C16orf96: variants seen among roughly 807,000 people sequenced by gnomAD.
C16orf96 encodes uncharacterized protein C16orf96.
In C16orf96, 108 loss-of-function variants were observed where a neutral mutation model predicts 103.6. The ratio of observed to expected loss-of-function variants is 1.04; its 90% confidence interval spans 0.89 to 1.22. The LOEUF (loss-of-function observed/expected upper bound fraction) is 1.22, where lower values mean the gene tolerates loss of function less well. Ranked by LOEUF, C16orf96 falls within the 50% of genes most tolerant of loss-of-function variation. C16orf96 has a pLI of 0.00. For missense variants in C16orf96, 1,586 were observed against 1,464.2 expected (o/e 1.08, Z -1.36); for synonymous variants, 566 against 593.5 (o/e 0.95, Z 0.67).
chr16:4,568,396 A>G (rs1332312988), intron 1 of C16orf96, among the ~76,000 whole-genome samples: 1 of 152,000 alleles, frequency 6.6e-6, no homozygotes, highest in Non-Finnish European at 1.5e-5. Context: ...GATATCTGTT[A>G]TGTCTAGTTG....
chr16:4,583,884 C>A (rs1388035092), intron 7 of C16orf96, among the ~76,000 whole-genome samples: 2 of 144,368 alleles, frequency 1.4e-5, no homozygotes, highest in African/African-American at 5.2e-5. Flanking sequence ...AAGATCGCAC[C>A]ACTGCACTCC....
the C16orf96 span, among the ~76,000 whole-genome samples, chr16:4,543,382 A>G: frequency 1.3e-5 from 2 of 152,182 alleles, no homozygotes; most frequent in Non-Finnish European, 2.9e-5. Context: ...CTTATAGACC[A>G]ATCTGTGGAA....
intron 14 of C16orf96, among the ~76,000 whole-genome samples, chr16:4,598,307 C>T (rs769948325): frequency 6.6e-6 from 1 of 151,840 alleles, no homozygotes; most frequent in Admixed American, 6.6e-5. Context: ...GCCATGATTG[C>T]GCCACTGCAC....
In C16orf96 at chr16:4,571,785, G is replaced by C. The variant is rs74543762; in HGVS notation, c.525+120G>C. 3,081 of 837,006 alleles carry C rather than the reference G, an allele frequency of 3.7e-3. 63 individuals are homozygous for C. In the African/African-American group the frequency reaches 0.042, roughly 11 times the overall value. The allele number at this position is 837,006 out of a possible 1,614,324, so 51.8% of individuals were successfully genotyped here. A position where few individuals can be genotyped will look rare whatever the true frequency, so the allele number is the denominator to read the frequency against. ...CCAAGAGTGCAGCTGTGAGGGTGTG[G>C]TCATGTGGACCCTCCAATTGGCCAG... On this transcript the variant is annotated intron_variant, in intron 2 of 15. Transcript: ENST00000444310.
chr16:4,546,804 C>G, the C16orf96 span, among the ~76,000 whole-genome samples: 1 of 151,988 alleles, frequency 6.6e-6, no homozygotes, highest in African/African-American at 2.4e-5. Context: ...AAATGTTCAT[C>G]AACTGATGAA....
intron 2 of C16orf96, among the ~76,000 whole-genome samples, 158 bp from the exon 3 acceptor site, chr16:4,574,551 A>T (rs748095614): frequency 6.6e-6 from 1 of 152,048 alleles, no homozygotes; most frequent in Non-Finnish European, 1.5e-5. Flanking sequence ...GCATTTCCCA[A>T]ACTTGTTTGC....
intron 2 of C16orf96, 124 bp from the exon 3 acceptor site, chr16:4,574,585 T>C: frequency 1.3e-6 from 1 of 759,688 alleles, no homozygotes; most frequent in South Asian, 1.8e-5. Flanking sequence ...TCCCACTCCT[T>C]GGGAAACACT....
intron 9 of C16orf96, among the ~76,000 whole-genome samples, chr16:4,589,622 G>A (rs996064199): frequency 5.9e-5 from 9 of 151,522 alleles, no homozygotes; most frequent in East Asian, 1.9e-4. Context: ...AAAAATGGGC[G>A]CAGAACAACC....
At chr16:4,549,378 C>G in the C16orf96 span, among the ~76,000 whole-genome samples, 1 of 150,606 alleles carries the variant, frequency 6.6e-6, no homozygotes. Flanking sequence ...GAGGCTGAGG[C>G]AGGAGAATGG....
In C16orf96 at chr16:4,593,194, A is replaced by G; in HGVS notation, c.2775-30A>G. 1 of 1,547,366 alleles carries G rather than the reference A, an allele frequency of 6.5e-7. No homozygotes were observed. The highest frequency in any genetic ancestry group is 8.7e-7 in the Non-Finnish European group (1 of 1,143,590). On this transcript the variant is annotated intron_variant, in intron 11 of 15. Coordinates refer to ENST00000444310, the MANE Select transcript of C16orf96 (RefSeq NM_001145011.2). This position sits in a 1 kb window ranked among gnomAD's most constrained non-coding sequence, Gnocchi z 4.2. ...TCTGCTGGCCTAGCACGCCTCCCAC[A>G]GCCCCTGCTGTGCCCTTGTCCTCCA...
chr16:4,567,375 C>G (rs902327252), intron 1 of C16orf96, among the ~76,000 whole-genome samples: 1 of 142,900 alleles, frequency 7.0e-6, no homozygotes, highest in Non-Finnish European at 1.5e-5. Context: ...GCTCAGACTC[C>G]TGGGTTCACG....
At chr16:4,573,561 G>A (rs759715058) in intron 2 of C16orf96, among the ~76,000 whole-genome samples, 15 of 151,008 alleles carry the variant, frequency 9.9e-5, no homozygotes, top group Non-Finnish European at 1.5e-4. Context: ...GACCATCCTC[G>A]CTAACACGGT....
chr16:4,564,285 C>A, intron 1 of C16orf96, among the ~76,000 whole-genome samples: 1 of 152,132 alleles, frequency 6.6e-6, no homozygotes, highest in Non-Finnish European at 1.5e-5. Flanking sequence ...CTAATTTGTT[C>A]TTGGCCATTG....
chr16:4,575,877 T>G lies in C16orf96; in HGVS notation c.1397T>G (p.Leu466Arg). ...GGGGAGGAAAATGATGTCCCCAGCC[T>G]AAGGGGCCTTCGGGAGAGGGCCCGC... is the stretch of plus-strand genomic sequence containing the variant. ...VKGEENDVPSLRGLRERARKD... is the reference protein window; with the variant it reads ...VKGEENDVPSRRGLRERARKD... The change falls in exon 5 of 16, where the codon CTA becomes CGA. Residue 466 changes from leucine to arginine, a missense_variant. By Grantham distance (102) the Leu-to-Arg change is moderately radical (BLOSUM62 -2). Transcript: ENST00000444310. 1 of 1,551,466 alleles carries G rather than the reference T, an allele frequency of 6.4e-7. No individual in the cohort carries two copies. Among genetic ancestry groups the G allele is most frequent in the South Asian group, 1.2e-5 (1 of 84,056 alleles).
At chr16:4,556,242 C>G (rs531074012), upstream of C16orf96, among the ~76,000 whole-genome samples, 1 of 152,172 alleles carries the variant, frequency 6.6e-6, no homozygotes, top group Non-Finnish European at 1.5e-5. Context: ...GTGAGGCTTA[C>G]CAGGGAGCAC....
At position 4,575,762 on chromosome 16, in the gene C16orf96, A is replaced by G. The variant is rs2059497502; in HGVS notation, c.1282A>G (p.Thr428Ala). 1 of 1,548,920 alleles carries G rather than the reference A, an allele frequency of 6.5e-7. No homozygotes were observed. The highest frequency in any genetic ancestry group is 1.2e-5 in the South Asian group (1 of 83,826). The change falls in exon 5 of 16, where the codon ACT becomes GCT. Residue 428 changes from threonine to alanine, a missense_variant. By Grantham distance (58) the Thr-to-Ala change is moderately conservative. Transcript: ENST00000444310. ...ACCCTCCAGGGCCCCACCACCAGCC[A>G]CTGAGTTTGGCTCATTGTGGCCTCG... Reference protein sequence around the residue: ...PQPSRAPPPATEFGSLWPRPL... With the variant: ...PQPSRAPPPAAEFGSLWPRPL...
At position 4,593,339 on chromosome 16, in the gene C16orf96, A is replaced by G. The variant is rs915663378; in HGVS notation, c.2867+23A>G. On this transcript the variant is annotated intron_variant, in intron 12 of 15. Transcript: ENST00000444310. The surrounding 1 kb of genome is among the most constrained non-coding windows in gnomAD (Gnocchi z 4.2). Reference sequence around the variant, plus strand: ...GAGGTGAGCAGGATGGGCGCCCCGCAGGGAGGCCGCCCCGCATGGAGGCCA... The same window carrying G: ...GAGGTGAGCAGGATGGGCGCCCCGCGGGGAGGCCGCCCCGCATGGAGGCCA... 10 of 1,545,642 alleles carry G rather than the reference A, an allele frequency of 6.5e-6. No homozygotes were observed. Among genetic ancestry groups the G allele is most frequent in the African/African-American group, 1.4e-5 (1 of 72,894 alleles).
At chr16:4,590,939 G>A (rs937127207) in intron 9 of C16orf96, among the ~76,000 whole-genome samples, 3 of 152,122 alleles carry the variant, frequency 2.0e-5, no homozygotes, top group Non-Finnish European at 4.4e-5. Flanking sequence ...GGCTGAGGCA[G>A]GAGAATTGCT....
chr16:4,582,567 C>T (rs1896815899), intron 7 of C16orf96, among the ~76,000 whole-genome samples: 1 of 152,100 alleles, frequency 6.6e-6, no homozygotes, highest in African/African-American at 2.4e-5. Context: ...TTGGCTGTCT[C>T]TGGAGATGCT....
Sources: allele counts gnomAD v4.1 joint callset (sites outside exome capture counted in the v4.1 genomes callset), GRCh38; gene constraint gnomAD v4.1.1; non-coding constraint Gnocchi (gnomAD v3.1); transcripts MANE v1.5; gene names NCBI Gene and HGNC (gene_info 2026-07-23, HGNC 2026-07-21).